Variants in C8orf34 observed in about 807,000 individuals in gnomAD.
The protein encoded by C8orf34 is uncharacterized protein C8orf34.
C8orf34 carries 65 observed loss-of-function variants against 68.3 expected under a neutral mutation model. The observed-to-expected ratio is 0.95, with a 90% confidence interval of 0.78 to 1.17. C8orf34 has a LOEUF of 1.17. C8orf34 is among the 50% of genes most tolerant of loss of function. C8orf34 has a pLI of 0.00. For missense variants in C8orf34, 664 were observed against 655.4 expected (o/e 1.01, Z -0.14); for synonymous variants, 244 against 241.2 (o/e 1.01, Z -0.11).
At chr8:68,561,773 G>A (rs962322959) in intron 7 of C8orf34, among the ~76,000 whole-genome samples, 1 of 152,008 alleles carries the variant, frequency 6.6e-6, no homozygotes, top group Middle Eastern at 3.2e-3. Flanking sequence ...AAAAAGAAAA[G>A]AAACCAAAAC....
chr8:68,760,923 C>A lies in C8orf34; in HGVS notation c.1405-15476C>A, dbSNP rs143012852. Among the ~76,000 whole-genome samples, 8 of 152,198 alleles carry A rather than the reference C, an allele frequency of 5.3e-5. No homozygotes were observed. The East Asian group carries it at 1.5e-3, about 29-fold the overall frequency. On this transcript the variant is annotated intron_variant, in intron 10 of 13. Coordinates refer to ENST00000518698, the MANE Select transcript of C8orf34 (RefSeq NM_052958.4). ...TTTCATTTCCTGTCTTCTAGAAGAC[C>A]ATAGGCTATGGATTCCTAGCTCTAC...
At chr8:68,588,365 G>A (rs549216093) in intron 7 of C8orf34, among the ~76,000 whole-genome samples, 38 of 152,216 alleles carry the variant, frequency 2.5e-4, no homozygotes, top group African/African-American at 8.2e-4. Flanking sequence ...ATATAGGGTG[G>A]TGTTGATGCA....
intron 1 of C8orf34, among the ~76,000 whole-genome samples, chr8:68,418,908 G>C (rs1284070752): frequency 2.0e-5 from 3 of 150,706 alleles, no homozygotes; most frequent in African/African-American, 4.9e-5. Flanking sequence ...TACCATTCAG[G>C]ACATAGGCAT....
intron 7 of C8orf34, chr8:68,625,643 A>C (rs1214983339): frequency 1.4e-6 from 1 of 701,800 alleles, no homozygotes; most frequent in South Asian, 1.5e-5. Flanking sequence ...CTTGCATCTC[A>C]GCGGTGGGAA....
At chr8:68,658,288 G>A (rs1819567473) in intron 8 of C8orf34, among the ~76,000 whole-genome samples, 1 of 151,462 alleles carries the variant, frequency 6.6e-6, no homozygotes, top group African/African-American at 2.4e-5. Context: ...AAAATGTCTT[G>A]AAATTTCCCT....
chr8:68,619,849 ACAAAAGCCCT>A (rs1818336928), intron 7 of C8orf34, among the ~76,000 whole-genome samples: 2 of 152,232 alleles, frequency 1.3e-5, no homozygotes, highest in Non-Finnish European at 2.9e-5. Context: ...ACAATGAAAG[ACAAAAGCCCT>A]TATAATTTCT....
intron 12 of C8orf34, among the ~76,000 whole-genome samples, chr8:68,800,094 T>A (rs1824287414): frequency 6.6e-6 from 1 of 151,902 alleles, no homozygotes. Context: ...GCAGAGAGGG[T>A]CCAGGTTGTA....
At chr8:68,581,137 A>G (rs887835541) in intron 7 of C8orf34, among the ~76,000 whole-genome samples, 2 of 152,184 alleles carry the variant, frequency 1.3e-5, no homozygotes, top group African/African-American at 4.8e-5. Flanking sequence ...GGCCTTCATA[A>G]TAAGACCCAA....
At chr8:68,540,877 A>G (rs1815677442) in intron 7 of C8orf34, among the ~76,000 whole-genome samples, 2 of 152,074 alleles carry the variant, frequency 1.3e-5, no homozygotes. Context: ...TTTAAAATAG[A>G]GTATTATTAA....
chr8:68,337,924 TAAGA>T (rs1189685581), intron 1 of C8orf34, among the ~76,000 whole-genome samples: 1 of 152,192 alleles, frequency 6.6e-6, no homozygotes, highest in Non-Finnish European at 1.5e-5. Context: ...TGCTGGAACA[TAAGA>T]AAGAGTGCTG....
At chr8:68,657,420 A>G (rs748561680) in intron 8 of C8orf34, among the ~76,000 whole-genome samples, 1 of 152,140 alleles carries the variant, frequency 6.6e-6, no homozygotes, top group Admixed American at 6.5e-5. Flanking sequence ...GTGAGGACAT[A>G]CAGAAGGCAC....
chr8:68,462,133 T>C (rs1811863532), intron 3 of C8orf34, among the ~76,000 whole-genome samples: 1 of 151,714 alleles, frequency 6.6e-6, no homozygotes. Context: ...AAGGCAGGGG[T>C]TGCAATCCTG....
At chr8:68,445,979 G>A (rs949951164) in intron 2 of C8orf34, among the ~76,000 whole-genome samples, 2 of 152,008 alleles carry the variant, frequency 1.3e-5, no homozygotes, top group Non-Finnish European at 2.9e-5. Flanking sequence ...TAGTGGAGAC[G>A]ACGGGTTTCA....
chr8:68,639,787 G>A (rs1818950222), intron 7 of C8orf34, among the ~76,000 whole-genome samples: 1 of 152,090 alleles, frequency 6.6e-6, no homozygotes, highest in African/African-American at 2.4e-5. Context: ...TAAACCTTTG[G>A]AGCATGACTA....
chr8:68,625,827 A>G (rs996147357), intron 7 of C8orf34, among the ~76,000 whole-genome samples: 1 of 152,190 alleles, frequency 6.6e-6, no homozygotes, highest in Non-Finnish European at 1.5e-5. Flanking sequence ...TGAGCATGAG[A>G]TAGAAATAAA....
intron 8 of C8orf34, among the ~76,000 whole-genome samples, chr8:68,651,256 G>T (rs372252830): frequency 1.3e-5 from 2 of 152,152 alleles, no homozygotes; most frequent in African/African-American, 2.4e-5. Flanking sequence ...GGCAGGGAAA[G>T]GTGATCTTCC....
intron 1 of C8orf34, among the ~76,000 whole-genome samples, chr8:68,347,735 T>TA (rs1806343000): frequency 1.3e-5 from 2 of 152,072 alleles, no homozygotes; most frequent in African/African-American, 4.8e-5. Flanking sequence ...TTTTTTTTCA[T>TA]ACATGTGTTG....
intron 7 of C8orf34, among the ~76,000 whole-genome samples, chr8:68,619,847 A>AT (rs1818336767): frequency 1.3e-5 from 2 of 152,214 alleles, no homozygotes; most frequent in Non-Finnish European, 2.9e-5. Flanking sequence ...ATACAATGAA[A>AT]GACAAAAGCC....
intron 1 of C8orf34, among the ~76,000 whole-genome samples, chr8:68,398,460 CATA>C (rs1393364044): frequency 6.6e-6 from 1 of 151,940 alleles, no homozygotes; most frequent in Admixed American, 6.6e-5. Context: ...AGTTTACTAA[CATA>C]ATATTTTGAA....
Sources: allele counts gnomAD v4.1 joint callset (sites outside exome capture counted in the v4.1 genomes callset), GRCh38; gene constraint gnomAD v4.1.1; transcripts MANE v1.5; gene names NCBI Gene and HGNC (gene_info 2026-07-23, HGNC 2026-07-21).